The following RADIL variants were observed in gnomAD, a reference collection of about 807,000 sequenced individuals.
The protein encoded by RADIL is ras-associating and dilute domain-containing protein.
Under a neutral mutation model 97.6 loss-of-function variants are expected in RADIL, and 99 were observed. The observed-to-expected ratio is 1.01, with a 90% CI of 0.86 to 1.20. The LOEUF (loss-of-function observed/expected upper bound fraction) is 1.20, where lower values mean the gene tolerates loss of function less well. Ranked by LOEUF, RADIL falls within the 50% of genes most tolerant of loss-of-function variation. RADIL has a pLI of 0.00. For missense variants in RADIL, 1,765 were observed against 1,498.9 expected (o/e 1.18, Z -2.93); for synonymous variants, 803 against 691.8 (o/e 1.16, Z -2.52).
intron 5 of RADIL, among the ~76,000 whole-genome samples, chr7:4,830,741 G>A (rs1307543269): frequency 7.9e-5 from 12 of 152,056 alleles, no homozygotes; most frequent in Non-Finnish European, 1.3e-4. Context: ...GCGGCTGGGC[G>A]CGGTGGTTCA....
intron 2 of RADIL, chr7:4,861,686 C>T: frequency 6.3e-7 from 1 of 1,587,710 alleles, no homozygotes; most frequent in Non-Finnish European, 8.6e-7. Flanking sequence ...TTCTATTAGC[C>T]TCTGGGTGAG....
chr7:4,816,282 C>A lies in RADIL; in HGVS notation c.1912G>T (p.Ala638Ser), dbSNP rs749390424. The A allele has an allele frequency of 2.5e-6, 4 of 1,612,672 alleles. No individual in the cohort carries two copies. The African/African-American group carries it at 5.3e-5, about 22-fold the overall frequency. The change falls in exon 8 of 15, where the codon GCC (alanine) becomes TCC (serine). Residue 638 changes from alanine (A) to serine (S), a missense_variant. By Grantham distance (99) the Ala-to-Ser change is moderately conservative. Coordinates refer to ENST00000399583, the MANE Select transcript of RADIL (RefSeq NM_018059.5). ...GTCCCGGAGAAGAAGAAGAGGTAGG[C>A]GAGCATCTGCGAGGCCACCTCGGGG... The part of the protein sequence containing the change: ...VHPEVASQML[A>S]YLFFFSGTLL...
At chr7:4,843,305 G>A (rs979854138) in intron 2 of RADIL, among the ~76,000 whole-genome samples, 2 of 151,956 alleles carry the variant, frequency 1.3e-5, no homozygotes. Context: ...GAGCCACCGC[G>A]CCCGGCCAAG....
chr7:4,830,797 A>C (rs184733049), intron 5 of RADIL, among the ~76,000 whole-genome samples: 2,351 of 152,128 alleles, frequency 0.015, 32 homozygotes, highest in South Asian at 0.025. Context: ...GGTGGATCAC[A>C]AGGTCAGGAG....
chr7:4,799,243 G>C lies in RADIL; in HGVS notation c.*135C>G, dbSNP rs374857889. 8 of 689,118 alleles carry C rather than the reference G, an allele frequency of 1.2e-5. No homozygotes were observed. The highest frequency in any genetic ancestry group is 5.4e-5 in the East Asian group (2 of 37,030). The allele number at this position is 689,118 out of a possible 1,614,324, so 42.7% of individuals were successfully genotyped here. ...ACACTGAGATGCATGTTATCAACAG[G>C]CATGTCCCCAGGGTGAGGCTCCCCA... On this transcript the variant is annotated 3_prime_UTR_variant, in exon 15 of 15. Coordinates refer to ENST00000399583, the MANE Select transcript of RADIL (RefSeq NM_018059.5).
intron 1 of RADIL, among the ~76,000 whole-genome samples, chr7:4,882,519 G>A (rs947655414): frequency 6.6e-6 from 1 of 152,176 alleles, no homozygotes. Context: ...TCCCAGCGGC[G>A]AGTACAGGGA....
chr7:4,820,932 G>A lies in RADIL; in HGVS notation c.1615+1462C>T, dbSNP rs528576457. On this transcript the variant is annotated intron_variant, in intron 6 of 14. Transcript: ENST00000399583. Reference sequence around the variant, plus strand: ...GAAACCTGCCCCTAAGGCATGGGGGGGCACAGCAGGGTCCCAGCGCCCCCA... The same window carrying A: ...GAAACCTGCCCCTAAGGCATGGGGGAGCACAGCAGGGTCCCAGCGCCCCCA... 2.0e-5 allele frequency among the ~76,000 whole-genome samples: 3 copies of A among 152,314 alleles called. No individual in the cohort carries two copies. The South Asian group carries it at 6.2e-4, about 32-fold the overall frequency.
At chr7:4,859,975 G>A in intron 2 of RADIL, 4 of 1,614,016 alleles carry the variant, frequency 2.5e-6, no homozygotes, top group Non-Finnish European at 2.5e-6. Flanking sequence ...AAACAACTCT[G>A]GCGACCATGG....
At chr7:4,820,295 G>A (rs1193420222) in intron 6 of RADIL, among the ~76,000 whole-genome samples, 1 of 152,236 alleles carries the variant, frequency 6.6e-6, no homozygotes, top group African/African-American at 2.4e-5. Flanking sequence ...GGCGACGGGC[G>A]CTGTAGTCCC....
chr7:4,819,034 AC>A lies in RADIL; in HGVS notation c.1616-1684del, dbSNP rs1317505482. 2.1e-5 allele frequency among the ~76,000 whole-genome samples: 3 copies of A among 144,430 alleles called. No individual in the cohort carries two copies. Among genetic ancestry groups the A allele is most frequent in the African/African-American group, 7.7e-5 (3 of 38,734 alleles). The allele number at this position is 144,430 out of a possible 152,430, so 94.8% of individuals were successfully genotyped here. A position where few individuals can be genotyped will look rare whatever the true frequency, so the allele number is the denominator to read the frequency against. On this transcript the variant is annotated intron_variant, in intron 6 of 14. Coordinates refer to ENST00000399583, the MANE Select transcript of RADIL (RefSeq NM_018059.5). The surrounding 1 kb of genome is among the most constrained non-coding windows in gnomAD (Gnocchi z 5.8). The stretch of plus-strand genomic sequence containing the variant: ...TGGGATTACAGGCATGCACCCCTGC[AC>A]CCGGCCCTGAGACTCCATTTCTCTC...
chr7:4,875,787 T>A (rs1014610461), intron 2 of RADIL, among the ~76,000 whole-genome samples: 1 of 152,130 alleles, frequency 6.6e-6, no homozygotes, highest in African/African-American at 2.4e-5. Flanking sequence ...GGAGGTCTTT[T>A]TGAATCAGGA....
intron 2 of RADIL, among the ~76,000 whole-genome samples, chr7:4,844,261 T>C (rs954099121): frequency 5.3e-5 from 8 of 151,962 alleles, no homozygotes; most frequent in Admixed American, 3.3e-4. Context: ...CTGGCCAACA[T>C]GGTAAAACCC....
intron 2 of RADIL, among the ~76,000 whole-genome samples, chr7:4,851,501 G>T (rs1292171301): frequency 6.6e-6 from 1 of 152,216 alleles, no homozygotes; most frequent in Non-Finnish European, 1.5e-5. Context: ...TCACAAGACT[G>T]CCAGCGAAGG....
At chr7:4,861,969 C>T in intron 2 of RADIL, 1 of 462,934 alleles carries the variant, frequency 2.2e-6, no homozygotes, top group Non-Finnish European at 3.8e-6. Flanking sequence ...TCAGGAGCTT[C>T]TCCTCCTTCC....
intron 2 of RADIL, among the ~76,000 whole-genome samples, chr7:4,871,174 T>C (rs1784245373): frequency 6.6e-6 from 1 of 152,214 alleles, no homozygotes; most frequent in African/African-American, 2.4e-5. Context: ...TCATTGGGAA[T>C]CCACTGGAAG....
chr7:4,882,555 A>C (rs1269587710), intron 1 of RADIL, among the ~76,000 whole-genome samples: 2 of 152,184 alleles, frequency 1.3e-5, no homozygotes, highest in East Asian at 3.8e-4. Flanking sequence ...CGCTGACGAC[A>C]TGGGTGGAGC....
At chr7:4,845,942 A>G (rs1783557244) in intron 2 of RADIL, among the ~76,000 whole-genome samples, 1 of 151,912 alleles carries the variant, frequency 6.6e-6, no homozygotes, top group South Asian at 2.1e-4. Flanking sequence ...GTAGCCAGTT[A>G]CCCCGGGAAG....
At position 4,799,690 on chromosome 7, in the gene RADIL, G is replaced by C. The variant is rs1315313602; in HGVS notation, c.3062C>G (p.Ser1021Trp). The C allele has an allele frequency of 6.3e-7, 1 of 1,584,720 alleles. No homozygotes were observed. Among genetic ancestry groups the C allele is most frequent in the Non-Finnish European group, 8.6e-7 (1 of 1,167,152 alleles). ...CACCTCCAGGATACGGTCCCCCAGCGACAGGCGCCCGTCGGCCGCTGCGGG... is the reference window on the plus strand; with the variant it reads ...CACCTCCAGGATACGGTCCCCCAGCCACAGGCGCCCGTCGGCCGCTGCGGG... ...GSPAAADGRL[S>W]LGDRILEVNG... Residue 1021 changes from serine (S) to tryptophan (W), a missense_variant, in exon 14 of 15, where the codon TCG becomes TGG. Ser to Trp is a radical substitution (Grantham distance 177, BLOSUM62 -3). Coordinates refer to ENST00000399583, the MANE Select transcript of RADIL (RefSeq NM_018059.5).
At chr7:4,812,226 C>T (rs1337954692) in intron 9 of RADIL, among the ~76,000 whole-genome samples, 2 of 152,134 alleles carry the variant, frequency 1.3e-5, no homozygotes, top group East Asian at 3.9e-4. Context: ...TTTTTAACTT[C>T]CTGTTGAATC....
Sources: allele counts gnomAD v4.1 joint callset (sites outside exome capture counted in the v4.1 genomes callset), GRCh38; gene constraint gnomAD v4.1.1; non-coding constraint Gnocchi (gnomAD v3.1); transcripts MANE v1.5; gene names NCBI Gene and HGNC (gene_info 2026-07-23, HGNC 2026-07-21).